ZNF644: variants seen among roughly 807,000 people sequenced by gnomAD.
ZNF644 encodes the protein zinc finger motif enhancer binding protein 2.
In ZNF644, 20 loss-of-function variants were observed where a neutral mutation model predicts 108.0. The ratio of observed to expected loss-of-function variants is 0.19; its 90% CI spans 0.13 to 0.27. ZNF644 has a LOEUF of 0.27. Ranked by LOEUF, ZNF644 falls within the 10% of genes least tolerant of loss-of-function variation. The pLI, the probability that ZNF644 is intolerant of heterozygous loss-of-function variation, is 1.00. For synonymous variants in ZNF644, 542 were observed against 539.1 expected, an observed-to-expected ratio of 1.01 and a Z score of -0.08; for missense variants, 1,338 against 1,548.9, an observed-to-expected ratio of 0.86 and a Z score of 2.29.
chr1:91,021,094 G>T (rs1436222489), intron 1 of ZNF644: 1 of 152,208 alleles, frequency 6.6e-6, no homozygotes, highest in Non-Finnish European at 1.5e-5. Flanking sequence ...TCCAATCACT[G>T]AGAAGAGTCT....
chr1:90,990,912 T>C (rs1657572273), intron 1 of ZNF644, among the ~76,000 whole-genome samples: 1 of 152,134 alleles, frequency 6.6e-6, no homozygotes, highest in Admixed American at 6.5e-5. Flanking sequence ...AGGAACGTGG[T>C]GGAGAAGAAC....
intron 2 of ZNF644, among the ~76,000 whole-genome samples, chr1:90,964,499 A>G (rs999501047): frequency 1.3e-5 from 2 of 152,130 alleles, no homozygotes; most frequent in Admixed American, 6.5e-5. Flanking sequence ...TACAATACCA[A>G]TTAATATTTT....
chr1:90,953,473 C>A (rs575311327), intron 2 of ZNF644, among the ~76,000 whole-genome samples: 1 of 151,704 alleles, frequency 6.6e-6, no homozygotes, highest in Non-Finnish European at 1.5e-5. Flanking sequence ...AGCAAACCAC[C>A]GTGGCACACA....
At chr1:90,971,117 G>A (rs1234379717) in intron 2 of ZNF644, among the ~76,000 whole-genome samples, 1 of 150,120 alleles carries the variant, frequency 6.7e-6, no homozygotes, top group Non-Finnish European at 1.5e-5. Context: ...GTAGAAAAGA[G>A]ATTGAGAACC....
intron 1 of ZNF644, among the ~76,000 whole-genome samples, chr1:91,009,942 A>G (rs950296934): frequency 6.6e-6 from 1 of 152,144 alleles, no homozygotes; most frequent in East Asian, 1.9e-4. Context: ...GACTTATTTA[A>G]AACTATGCAT....
chr1:91,020,113 G>T (rs896767053), intron 1 of ZNF644, among the ~76,000 whole-genome samples: 9 of 152,078 alleles, frequency 5.9e-5, no homozygotes, highest in Non-Finnish European at 1.2e-4. Flanking sequence ...AAGAGCAGTT[G>T]TTCTTTGATA....
At chr1:90,953,871 G>A (rs895961211) in intron 2 of ZNF644, among the ~76,000 whole-genome samples, 8 of 146,268 alleles carry the variant, frequency 5.5e-5, no homozygotes, top group East Asian at 1.9e-4. Context: ...AGCTGAGATC[G>A]CGCCACTACT....
At chr1:90,956,353 TCA>T (rs1653756250) in intron 2 of ZNF644, among the ~76,000 whole-genome samples, 3 of 152,236 alleles carry the variant, frequency 2.0e-5, no homozygotes, top group Non-Finnish European at 4.4e-5. Context: ...CTGCAAAATT[TCA>T]GTTTGTATAA....
chr1:90,992,274 T>A (rs1014709843), intron 1 of ZNF644, among the ~76,000 whole-genome samples: 10 of 152,040 alleles, frequency 6.6e-5, no homozygotes, highest in African/African-American at 2.2e-4. Context: ...TGTGATTTTT[T>A]AATATGTCAA....
chr1:91,008,521 G>A (rs550168755), intron 1 of ZNF644, among the ~76,000 whole-genome samples: 1 of 152,254 alleles, frequency 6.6e-6, no homozygotes, highest in Non-Finnish European at 1.5e-5. Context: ...TCAGAGCAGC[G>A]TTTTCAGAAA....
intron 2 of ZNF644, among the ~76,000 whole-genome samples, chr1:90,961,141 G>A (rs1029932553): frequency 1.3e-5 from 2 of 152,106 alleles, no homozygotes; most frequent in Non-Finnish European, 1.5e-5. Context: ...CGATGATGAC[G>A]TTTCATGGTG....
At chr1:90,992,061 T>A (rs1307104010) in intron 1 of ZNF644, among the ~76,000 whole-genome samples, 2 of 152,160 alleles carry the variant, frequency 1.3e-5, no homozygotes, top group Non-Finnish European at 2.9e-5. Context: ...GAGTACATAC[T>A]GCATGTGTTG....
intron 1 of ZNF644, among the ~76,000 whole-genome samples, chr1:90,990,578 G>C (rs999058959): frequency 5.3e-5 from 8 of 152,174 alleles, no homozygotes; most frequent in African/African-American, 1.9e-4. Flanking sequence ...TAATCCTTGA[G>C]TTGAGGAGAC....
At chr1:90,941,536 G>A (rs1400508180) in intron 2 of ZNF644, among the ~76,000 whole-genome samples, 1 of 151,976 alleles carries the variant, frequency 6.6e-6, no homozygotes, top group African/African-American at 2.4e-5. Flanking sequence ...AGTCCAATAC[G>A]TCATGTATAC....
intron 1 of ZNF644, among the ~76,000 whole-genome samples, chr1:90,985,722 T>C (rs1657023765): frequency 6.6e-6 from 1 of 152,236 alleles, no homozygotes; most frequent in Non-Finnish European, 1.5e-5. Flanking sequence ...CCTAGGTTGC[T>C]TCCCTATTTT....
chr1:90,973,276 A>T (rs1445980994), intron 2 of ZNF644: 1 of 152,152 alleles, frequency 6.6e-6, no homozygotes, highest in Non-Finnish European at 1.5e-5. Flanking sequence ...ATAATAAAGT[A>T]AGAGTATACA....
At chr1:90,955,859 A>G (rs1359404667) in intron 2 of ZNF644, among the ~76,000 whole-genome samples, 1 of 152,144 alleles carries the variant, frequency 6.6e-6, no homozygotes, top group Non-Finnish European at 1.5e-5. Flanking sequence ...GCATTCACAA[A>G]CTTGGCTAAA....
intron 1 of ZNF644, among the ~76,000 whole-genome samples, chr1:91,019,580 T>C (rs35932068): frequency 4.6e-4 from 70 of 152,326 alleles, no homozygotes; most frequent in Admixed American, 9.8e-4. Flanking sequence ...TTTTTTTGTT[T>C]TTTTGTTTTG....
chr1:90,945,066 G>GTA (rs1424912351), intron 2 of ZNF644, among the ~76,000 whole-genome samples: 6 of 152,098 alleles, frequency 3.9e-5, no homozygotes, highest in Admixed American at 3.9e-4. Flanking sequence ...ATAGTCAAAT[G>GTA]TATATATAAC....
Sources: allele counts gnomAD v4.1 joint callset (sites outside exome capture counted in the v4.1 genomes callset), GRCh38; gene constraint gnomAD v4.1.1; transcripts MANE v1.5; gene names NCBI Gene and HGNC (gene_info 2026-07-23, HGNC 2026-07-21).